Variants in TTLL11 observed in about 807,000 individuals in gnomAD.
TTLL11 encodes tubulin polyglutamylase TTLL11.
In TTLL11, 42 loss-of-function variants were observed where a neutral mutation model predicts 51.7. That is an observed-to-expected ratio of 0.81 (90% CI 0.64 to 1.05). The LOEUF (loss-of-function observed/expected upper bound fraction) is 1.05, where lower values mean the gene tolerates loss of function less well. Ranked by LOEUF, TTLL11 falls within the 50% of genes least tolerant of loss-of-function variation. The probability of loss-of-function intolerance (pLI) is 0.00; values close to 1 mark genes in which losing one functional copy is unlikely to be tolerated. For synonymous variants in TTLL11, 381 were observed against 383.5 expected (o/e 0.99, Z 0.08); for missense variants, 799 against 940.4 (o/e 0.85, Z 1.97).
At chr9:121,992,622 A>T (rs573956506) in intron 3 of TTLL11, among the ~76,000 whole-genome samples, 1 of 152,338 alleles carries the variant, frequency 6.6e-6, no homozygotes, top group South Asian at 2.1e-4. Flanking sequence ...AGTGTGAGGA[A>T]GACTCGCGCT....
chr9:121,873,343 C>A (rs1838424902), intron 6 of TTLL11, among the ~76,000 whole-genome samples: 1 of 151,780 alleles, frequency 6.6e-6, no homozygotes, highest in African/African-American at 2.4e-5. Context: ...TCCACTGATC[C>A]ACTGCTCTTT....
intron 1 of TTLL11, among the ~76,000 whole-genome samples, chr9:122,072,927 C>T (rs1442808031): frequency 6.6e-6 from 1 of 152,176 alleles, no homozygotes; most frequent in Admixed American, 6.5e-5. Flanking sequence ...CTTTGTTTGC[C>T]CGTGCTTGGC....
At chr9:121,983,514 C>T (rs1340218722) in intron 4 of TTLL11, among the ~76,000 whole-genome samples, 1 of 152,174 alleles carries the variant, frequency 6.6e-6, no homozygotes, top group African/African-American at 2.4e-5. Context: ...GGATGGAGGC[C>T]TGAGACTCTC....
intron 1 of TTLL11, among the ~76,000 whole-genome samples, chr9:122,086,377 T>C (rs1040127595): frequency 6.6e-6 from 1 of 152,238 alleles, no homozygotes; most frequent in Admixed American, 6.5e-5. Flanking sequence ...ATTAAAATAA[T>C]GTATCTGTGG....
intron 6 of TTLL11, among the ~76,000 whole-genome samples, chr9:121,965,004 CCT>C (rs1046032876): frequency 6.6e-6 from 1 of 152,146 alleles, no homozygotes; most frequent in African/African-American, 2.4e-5. Context: ...GCAGTCTTCC[CCT>C]GACACACAGT....
chr9:122,035,271 A>G (rs1317037473), intron 2 of TTLL11, among the ~76,000 whole-genome samples: 5 of 152,110 alleles, frequency 3.3e-5, no homozygotes, highest in African/African-American at 1.2e-4. Context: ...AGGTTTCTCA[A>G]TAAGGTCTAT....
intron 1 of TTLL11, among the ~76,000 whole-genome samples, chr9:122,045,783 T>C (rs1844985382): frequency 6.6e-6 from 1 of 152,188 alleles, no homozygotes; most frequent in Admixed American, 6.5e-5. Flanking sequence ...GCTAAGTGAA[T>C]GAGTCAGACA....
intron 1 of TTLL11, among the ~76,000 whole-genome samples, chr9:122,061,380 G>A (rs751273063): frequency 2.0e-5 from 3 of 152,176 alleles, no homozygotes; most frequent in Non-Finnish European, 4.4e-5. Context: ...CATCCCACTA[G>A]TGATGGAATT....
intron 8 of TTLL11, among the ~76,000 whole-genome samples, chr9:121,838,331 G>T (rs1837238261): frequency 6.6e-6 from 1 of 152,082 alleles, no homozygotes; most frequent in Non-Finnish European, 1.5e-5. Flanking sequence ...CACCTGAGCA[G>T]CTGTCGTCCC....
chr9:121,908,686 A>G (rs967894019), intron 6 of TTLL11, among the ~76,000 whole-genome samples: 1 of 152,210 alleles, frequency 6.6e-6, no homozygotes, highest in African/African-American at 2.4e-5. Flanking sequence ...ATGAGAACAG[A>G]CATGCAGATG....
chr9:121,973,257 T>C (rs747318560), intron 6 of TTLL11, among the ~76,000 whole-genome samples: 4 of 152,208 alleles, frequency 2.6e-5, no homozygotes, highest in Non-Finnish European at 5.9e-5. Flanking sequence ...GTTGTAAATA[T>C]CATAGAACTG....
chr9:122,068,395 C>T (rs764172019), intron 1 of TTLL11, among the ~76,000 whole-genome samples: 2 of 152,118 alleles, frequency 1.3e-5, no homozygotes, highest in African/African-American at 4.8e-5. Flanking sequence ...TTCATTATCA[C>T]GTGCATGTTA....
intron 8 of TTLL11, among the ~76,000 whole-genome samples, chr9:121,828,044 G>A (rs958153233): frequency 6.6e-6 from 1 of 152,088 alleles, no homozygotes; most frequent in Non-Finnish European, 1.5e-5. Context: ...GAGAGTCTTA[G>A]CAGAAAGTGC....
At chr9:122,043,044 T>C (rs1397514425) in intron 1 of TTLL11, among the ~76,000 whole-genome samples, 1 of 152,106 alleles carries the variant, frequency 6.6e-6, no homozygotes, top group Non-Finnish European at 1.5e-5. Context: ...TCAAAACCCA[T>C]AGAATAGCAC....
chr9:122,078,426 G>T (rs935082053), intron 1 of TTLL11, among the ~76,000 whole-genome samples: 6 of 152,258 alleles, frequency 3.9e-5, no homozygotes, highest in Middle Eastern at 3.4e-3. Context: ...TAAAAAGGTA[G>T]CCAAACAAAG....
intron 3 of TTLL11, among the ~76,000 whole-genome samples, chr9:122,017,878 C>T (rs1352882401): frequency 5.9e-5 from 9 of 152,064 alleles, no homozygotes; most frequent in Admixed American, 3.3e-4. Flanking sequence ...ATAGAATAAT[C>T]CCATGTTTTT....
chr9:121,826,501 G>A lies in TTLL11; in HGVS notation c.1841-3622C>T, dbSNP rs867092726. Among the ~76,000 whole-genome samples, 265 of 33,488 alleles carry A rather than the reference G, an allele frequency of 7.9e-3. 8 individuals carry two copies. Among genetic ancestry groups the A allele is most frequent in the East Asian group, 0.03 (14 of 460 alleles). The allele number at this position is 33,488 out of a possible 152,430, so 22.0% of individuals were successfully genotyped here. Reference sequence around the variant, plus strand: ...TATATGTATATATATATATGTGTGTGTATATATATATATGTATATATATAT... The same window carrying A: ...TATATGTATATATATATATGTGTGTATATATATATATATGTATATATATAT... On this transcript the variant is annotated intron_variant, in intron 8 of 8. Transcript: ENST00000321582.
chr9:122,015,676 C>A (rs187257542), intron 3 of TTLL11, among the ~76,000 whole-genome samples: 16 of 152,016 alleles, frequency 1.1e-4, no homozygotes, highest in Non-Finnish European at 2.1e-4. Flanking sequence ...GCGCTCCCAC[C>A]GGACGGCATC....
intron 7 of TTLL11, among the ~76,000 whole-genome samples, chr9:121,865,936 T>C (rs998244100): frequency 2.6e-5 from 4 of 152,248 alleles, no homozygotes; most frequent in Non-Finnish European, 5.9e-5. Flanking sequence ...TGCTGATCTA[T>C]GCAGCACATT....
Sources: allele counts gnomAD v4.1 joint callset (sites outside exome capture counted in the v4.1 genomes callset), GRCh38; gene constraint gnomAD v4.1.1; transcripts MANE v1.5; gene names NCBI Gene and HGNC (gene_info 2026-07-23, HGNC 2026-07-21).